Variants in SNW1 observed in about 807,000 individuals in gnomAD.
SNW1 encodes the protein SNW domain-containing protein 1.
A neutral mutation model predicts 75.6 loss-of-function variants in SNW1; 9 were observed. The observed-to-expected ratio is 0.12, with a 90% CI of 0.07 to 0.21. The LOEUF is 0.21. Ranked by LOEUF, SNW1 falls within the 10% of genes least tolerant of loss-of-function variation. The probability of loss-of-function intolerance (pLI) is 1.00; values close to 1 mark genes in which losing one functional copy is unlikely to be tolerated. For synonymous variants in SNW1, 200 were observed against 219.1 expected (o/e 0.91, Z 0.77); for missense variants, 409 against 670.9 (o/e 0.61, Z 4.31).
chr14:77,745,322 A>G (rs1237241035), intron 3 of SNW1, among the ~76,000 whole-genome samples: 5 of 152,202 alleles, frequency 3.3e-5, no homozygotes, highest in Non-Finnish European at 7.4e-5. Flanking sequence ...AGGAAAAAGA[A>G]TATCCATGGG....
chr14:77,754,963 G>T lies in SNW1; in HGVS notation c.168+4C>A, dbSNP rs2080832977. 6.3e-7 allele frequency: 1 copy of T among 1,583,780 alleles called. No homozygotes were observed. Among genetic ancestry groups the T allele is most frequent in the Non-Finnish European group, 8.6e-7 (1 of 1,163,804 alleles). On this transcript the variant is annotated splice_donor_region_variant and intron_variant, in intron 2 of 13. Coordinates refer to ENST00000261531, the MANE Select transcript of SNW1 (RefSeq NM_012245.3). ...ACAAATCTAAACTTAAGATCTATAT[G>T]TACCTCTAATAACCGAGGTATCCAG...
chr14:77,740,544 ATCT>A (rs1260023291), intron 3 of SNW1, among the ~76,000 whole-genome samples: 12 of 152,218 alleles, frequency 7.9e-5, no homozygotes, highest in African/African-American at 2.9e-4. Flanking sequence ...ACACTAGCTC[ATCT>A]TCTGTTTCTT....
chr14:77,745,149 C>T (rs1180354812), intron 3 of SNW1, among the ~76,000 whole-genome samples: 2 of 151,982 alleles, frequency 1.3e-5, no homozygotes, highest in Non-Finnish European at 2.9e-5. Flanking sequence ...CAGATAATTA[C>T]AACAAAAGGT....
chr14:77,739,533 A>G (rs2080699918), intron 3 of SNW1, among the ~76,000 whole-genome samples: 1 of 151,968 alleles, frequency 6.6e-6, no homozygotes, highest in Non-Finnish European at 1.5e-5. Context: ...TCTGCCATCA[A>G]CTCTATTCAC....
chr14:77,738,610 A>T lies in SNW1; in HGVS notation c.533+168T>A, dbSNP rs1595082955. ...AAACAAAAACCAAAGTGGACACCTTAAAAAATTCTGCTTTCAATTGTCTGC... is the reference window on the plus strand; with the variant it reads ...AAACAAAAACCAAAGTGGACACCTTTAAAAATTCTGCTTTCAATTGTCTGC... On this transcript the variant is annotated intron_variant, in intron 5 of 13. Coordinates refer to ENST00000261531, the MANE Select transcript of SNW1 (RefSeq NM_012245.3). 1.1e-4 allele frequency: 68 copies of T among 612,484 alleles called. No individual in the cohort carries two copies. The East Asian group carries it at 1.9e-3, about 17-fold the overall frequency. The allele number at this position is 612,484 out of a possible 1,614,324, so 37.9% of individuals were successfully genotyped here. A position where few individuals can be genotyped will look rare whatever the true frequency, so the allele number is the denominator to read the frequency against.
chr14:77,730,872 G>T (rs2080622281), intron 10 of SNW1, 116 bp downstream of exon 10: 1 of 1,000,408 alleles, frequency 1.0e-6, no homozygotes, highest in East Asian at 2.4e-5. Context: ...TATATCTGAT[G>T]TATCTAAATT....
chr14:77,746,800 C>A (rs2080763599), intron 3 of SNW1, among the ~76,000 whole-genome samples: 1 of 151,890 alleles, frequency 6.6e-6, no homozygotes, highest in South Asian at 2.1e-4. Context: ...AAATTCCATT[C>A]ATGTAAACAA....
intron 10 of SNW1, among the ~76,000 whole-genome samples, chr14:77,724,758 C>G (rs2080571376): frequency 6.6e-6 from 1 of 152,196 alleles, no homozygotes; most frequent in South Asian, 2.1e-4. Flanking sequence ...ACCCACTGGA[C>G]ACAACTTGAT....
chr14:77,752,499 C>T (rs115714883), intron 2 of SNW1, among the ~76,000 whole-genome samples: 1 of 152,154 alleles, frequency 6.6e-6, no homozygotes, highest in African/African-American at 2.4e-5. Flanking sequence ...TGTATTATCT[C>T]ATTTAATCCT....
chr14:77,737,219 A>G (rs1432743184), intron 5 of SNW1, 144 bp from the exon 6 acceptor site: 4 of 597,014 alleles, frequency 6.7e-6, no homozygotes, highest in Non-Finnish European at 1.2e-5. Flanking sequence ...ATTTAGACAA[A>G]GCAGACAGCA....
intron 1 of SNW1, among the ~76,000 whole-genome samples, chr14:77,756,993 C>T (rs1461500769): frequency 1.3e-5 from 2 of 152,166 alleles, no homozygotes; most frequent in Non-Finnish European, 2.9e-5. Context: ...TGGTTCTTAA[C>T]AACTTTTAAG....
chr14:77,742,983 T>C (rs1279443097), intron 3 of SNW1, among the ~76,000 whole-genome samples: 3 of 151,788 alleles, frequency 2.0e-5, no homozygotes, highest in Admixed American at 6.6e-5. Flanking sequence ...CCCAGCACTT[T>C]AGGAGGCCGA....
In SNW1 at chr14:77,758,867, C is replaced by G. The variant is rs564047675; in HGVS notation, c.14+2247G>C. Among the ~76,000 whole-genome samples, 192 of 151,190 alleles carry G rather than the reference C, an allele frequency of 1.3e-3. 1 individual carries two copies. The highest frequency in any genetic ancestry group is 2.1e-3 in the Non-Finnish European group (140 of 67,288). On this transcript the variant is annotated intron_variant, in intron 1 of 13. Transcript: ENST00000261531. ...TCAACTGTGTCTACTGGACACCAGT[C>G]AAGTGTCCTCTAATTCAATTCAATT... is the stretch of plus-strand genomic sequence containing the variant.
intron 2 of SNW1, among the ~76,000 whole-genome samples, chr14:77,752,426 T>A (rs1360429443): frequency 6.6e-6 from 1 of 152,190 alleles, no homozygotes; most frequent in Non-Finnish European, 1.5e-5. Context: ...CAAGTATAAT[T>A]TTTAAGTAGT....
intron 1 of SNW1, among the ~76,000 whole-genome samples, chr14:77,755,436 T>G (rs1290333633): frequency 6.6e-6 from 1 of 152,148 alleles, no homozygotes; most frequent in African/African-American, 2.4e-5. Context: ...CTTTTTTTTT[T>G]GAGAAAGAGT....
chr14:77,751,834 ACACACACACAC>A (rs1320174646), intron 2 of SNW1, among the ~76,000 whole-genome samples: 61 of 124,144 alleles, frequency 4.9e-4, no homozygotes, highest in Middle Eastern at 8.3e-3. Context: ...ACACACACAC[ACACACACACAC>A]CACACACACA....
intron 3 of SNW1, among the ~76,000 whole-genome samples, chr14:77,742,011 T>C (rs1052600257): frequency 1.8e-4 from 28 of 151,900 alleles, no homozygotes; most frequent in Admixed American, 5.9e-4. Context: ...GATTCCTCCA[T>C]AGTAATTAAT....
chr14:77,723,333 G>A (rs1363461849), intron 10 of SNW1, 56 bp from the exon 11 acceptor site: 5 of 1,194,596 alleles, frequency 4.2e-6, no homozygotes, highest in Admixed American at 1.7e-5. Flanking sequence ...GTGTGCATAC[G>A]TGTACACGTG....
intron 10 of SNW1, among the ~76,000 whole-genome samples, chr14:77,728,112 T>C (rs751966596): frequency 2.6e-5 from 4 of 151,360 alleles, no homozygotes; most frequent in Non-Finnish European, 5.9e-5. Context: ...GTTCATCATA[T>C]AATTCTTTCA....
Sources: allele counts gnomAD v4.1 joint callset (sites outside exome capture counted in the v4.1 genomes callset), GRCh38; gene constraint gnomAD v4.1.1; transcripts MANE v1.5; gene names NCBI Gene and HGNC (gene_info 2026-07-23, HGNC 2026-07-21).